The following MPZL1 variants were observed in gnomAD, a reference collection of about 807,000 sequenced individuals.
MPZL1 encodes myelin protein zero-like protein 1.
A neutral mutation model predicts 29.3 loss-of-function variants in MPZL1; 16 were observed. That is an observed-to-expected ratio of 0.55 (90% CI 0.37 to 0.83). The LOEUF (loss-of-function observed/expected upper bound fraction) is 0.83, where lower values mean the gene tolerates loss of function less well. Ranked by LOEUF, MPZL1 falls within the 40% of genes least tolerant of loss-of-function variation. MPZL1 has a pLI of 0.00. For synonymous variants in MPZL1, 143 were observed against 132.0 expected, an observed-to-expected ratio of 1.08 and a Z score of -0.57; for missense variants, 279 against 332.9, an observed-to-expected ratio of 0.84 and a Z score of 1.26.
At chr1:167,735,876 C>T (rs1014626662) in intron 1 of MPZL1, among the ~76,000 whole-genome samples, 2 of 151,998 alleles carry the variant, frequency 1.3e-5, no homozygotes, top group Non-Finnish European at 2.9e-5. Flanking sequence ...AAAAGATAAG[C>T]CATAGTGGAG....
intron 1 of MPZL1, among the ~76,000 whole-genome samples, chr1:167,760,767 G>GTC (rs1660969088): frequency 7.5e-6 from 1 of 133,286 alleles, no homozygotes; most frequent in Non-Finnish European, 1.7e-5. Flanking sequence ...GTGTGTGTGT[G>GTC]TGTGTGTGTG....
At chr1:167,757,747 C>G (rs1426235863) in intron 1 of MPZL1, among the ~76,000 whole-genome samples, 1 of 152,158 alleles carries the variant, frequency 6.6e-6, no homozygotes, top group Non-Finnish European at 1.5e-5. Context: ...CTTGATTGTA[C>G]TCTTTTAAGC....
chr1:167,774,232 A>G (rs566854385), intron 4 of MPZL1, among the ~76,000 whole-genome samples: 1 of 152,328 alleles, frequency 6.6e-6, no homozygotes, highest in African/African-American at 2.4e-5. Context: ...TAACCCATAT[A>G]AGCTATGTAG....
Position 167,791,858 on chromosome 1 carries a change from C to T in MPZL1, c.*3937C>T, listed in dbSNP as rs1474892559. 1 of 152,168 alleles carries T rather than the reference C, an allele frequency of 6.6e-6. No individual in the cohort carries two copies. Among genetic ancestry groups the T allele is most frequent in the East Asian group, 1.9e-4 (1 of 5,198 alleles). The allele number at this position is 152,168 out of a possible 1,614,324, so 9.4% of individuals were successfully genotyped here. A position where few individuals can be genotyped will look rare whatever the true frequency, so the allele number is the denominator to read the frequency against. ...CTCAGTCTGGAAGACAATGTGGTGA[C>T]TTAATTTGTTGAGAACTATGTTACA... is the stretch of plus-strand genomic sequence containing the variant. On this transcript the variant is annotated 3_prime_UTR_variant, in exon 6 of 6. Transcript: ENST00000359523.
intron 1 of MPZL1, among the ~76,000 whole-genome samples, chr1:167,740,656 T>C (rs1022646893): frequency 6.6e-6 from 1 of 152,142 alleles, no homozygotes; most frequent in Non-Finnish European, 1.5e-5. Flanking sequence ...TCTCCTGTAG[T>C]TTAAAATACT....
At chr1:167,737,990 A>T (rs1259970774) in intron 1 of MPZL1, among the ~76,000 whole-genome samples, 2 of 152,096 alleles carry the variant, frequency 1.3e-5, no homozygotes, top group African/African-American at 4.8e-5. Flanking sequence ...CAGTGGCGCA[A>T]TCTCGGCTCG....
chr1:167,735,093 A>G lies in MPZL1; in HGVS notation c.91+12851A>G, dbSNP rs547857723. 4.7e-4 allele frequency among the ~76,000 whole-genome samples: 72 copies of G among 152,340 alleles called. 1 individual carries two copies. Among genetic ancestry groups the G allele is most frequent in the Middle Eastern group, 3.4e-3 (1 of 294 alleles). On this transcript the variant is annotated intron_variant, in intron 1 of 5. Coordinates refer to ENST00000359523, the MANE Select transcript of MPZL1 (RefSeq NM_003953.6). ...CTTTCAGACATAAAGTTTTCTGTTC[A>G]GATATGTAGTGCTCAAGCTGGGAAT...
Position 167,763,269 on chromosome 1 carries a change from C to T in MPZL1, c.92-2314C>T, listed in dbSNP as rs377097770. ...GTGGCTCACGCCTGTAATCCCAGCA[C>T]TTTGGGGGGGCCGGGGCTGGTGAAT... On this transcript the variant is annotated intron_variant, in intron 1 of 5. Transcript: ENST00000359523. 1.1e-4 allele frequency among the ~76,000 whole-genome samples: 16 copies of T among 152,194 alleles called. No homozygotes were observed. The East Asian group carries it at 1.5e-3, about 15-fold the overall frequency.
At chr1:167,741,314 G>A (rs999594981) in intron 1 of MPZL1, among the ~76,000 whole-genome samples, 7 of 146,916 alleles carry the variant, frequency 4.8e-5, no homozygotes, top group Non-Finnish European at 8.9e-5. Context: ...GAGTCACCAC[G>A]TCTAGCCTGC....
chr1:167,756,540 C>T (rs765620149), intron 1 of MPZL1, among the ~76,000 whole-genome samples: 26 of 149,068 alleles, frequency 1.7e-4, no homozygotes, highest in Non-Finnish European at 3.4e-4. Flanking sequence ...CATATCTAAG[C>T]ATCCTCCAAG....
chr1:167,748,253 C>A (rs1660687568), intron 1 of MPZL1, among the ~76,000 whole-genome samples: 1 of 152,146 alleles, frequency 6.6e-6, no homozygotes, highest in Non-Finnish European at 1.5e-5. Flanking sequence ...CATTTCTATT[C>A]CCATCAACAA....
At chr1:167,727,436 C>A (rs1410168300) in intron 1 of MPZL1, among the ~76,000 whole-genome samples, 2 of 152,130 alleles carry the variant, frequency 1.3e-5, no homozygotes, top group Non-Finnish European at 2.9e-5. Flanking sequence ...TTTAATCTTG[C>A]TCTCTAAGAC....
Position 167,765,579 on chromosome 1 carries a change from TC to T in MPZL1, c.92-3del. The T allele has an allele frequency of 6.2e-7, 1 of 1,602,158 alleles. No individual in the cohort carries two copies. The highest frequency in any genetic ancestry group is 1.3e-5 in the African/African-American group (1 of 74,500). On this transcript the variant is annotated splice_region_variant and splice_polypyrimidine_tract_variant and intron_variant, in intron 1 of 5. Coordinates refer to ENST00000359523, the MANE Select transcript of MPZL1 (RefSeq NM_003953.6). ...TTCAACTACCCTTATTCCTTTCTCT[TC>T]AGTGACAGCTGGAGTATCAGCCTTG... is the stretch of plus-strand genomic sequence containing the variant.
Position 167,739,282 on chromosome 1 carries a change from C to CATATATATATAT in MPZL1, c.91+17056_91+17067dup, listed in dbSNP as rs71959233. Among the ~76,000 whole-genome samples, 604 of 90,176 alleles carry CATATATATATAT rather than the reference C, an allele frequency of 6.7e-3. 4 individuals are homozygous for CATATATATATAT. Among genetic ancestry groups the CATATATATATAT allele is most frequent in the African/African-American group, 0.025 (395 of 15,732 alleles). 59.2% of individuals were successfully genotyped at this position (90,176 alleles called of 152,430 possible). On this transcript the variant is annotated intron_variant, in intron 1 of 5. Coordinates refer to ENST00000359523, the MANE Select transcript of MPZL1 (RefSeq NM_003953.6). ...ATACACATACATATATACATATATA[C>CATATATATATAT]ATATATATATATATATATATATATA...
chr1:167,783,820 G>A (rs1243780398), intron 5 of MPZL1, among the ~76,000 whole-genome samples: 1 of 151,862 alleles, frequency 6.6e-6, no homozygotes, highest in African/African-American at 2.4e-5. Flanking sequence ...ACATAGCTGT[G>A]TTTCATATTT....
At chr1:167,786,704 A>G (rs1661600765) in intron 5 of MPZL1, among the ~76,000 whole-genome samples, 3 of 152,218 alleles carry the variant, frequency 2.0e-5, no homozygotes, top group African/African-American at 7.2e-5. Flanking sequence ...CACACTAAGG[A>G]CACAGGTTGT....
intron 1 of MPZL1, among the ~76,000 whole-genome samples, chr1:167,751,101 G>T (rs1455965211): frequency 6.6e-6 from 1 of 152,102 alleles, no homozygotes; most frequent in Non-Finnish European, 1.5e-5. Flanking sequence ...CTTGGTTAAG[G>T]TGTTGTCTGC....
intron 1 of MPZL1, among the ~76,000 whole-genome samples, chr1:167,757,387 C>CA (rs1303356546): frequency 4.6e-5 from 7 of 152,180 alleles, no homozygotes; most frequent in Admixed American, 4.6e-4. Context: ...TAATGTCTTC[C>CA]TGTGTCTGTC....
intron 5 of MPZL1, among the ~76,000 whole-genome samples, chr1:167,787,589 A>C (rs1445440157): frequency 6.6e-6 from 1 of 152,238 alleles, no homozygotes; most frequent in Non-Finnish European, 1.5e-5. Flanking sequence ...TTGAAAGAAT[A>C]ATGTAACAAA....
Sources: gnomAD v4.1 joint callset for allele counts (sites outside exome capture counted in the v4.1 genomes callset) on GRCh38, gnomAD v4.1.1 for gene constraint, MANE v1.5 for transcripts, NCBI Gene and HGNC (gene_info 2026-07-23, HGNC 2026-07-21) for gene names.